The following SUGCT variants were observed in gnomAD, a reference collection of about 807,000 sequenced individuals.
The protein encoded by SUGCT is succinyl-CoA:glutarate CoA-transferase.
A neutral mutation model predicts 55.0 loss-of-function variants in SUGCT; 41 were observed. That is an observed-to-expected ratio of 0.74 (90% CI 0.58 to 0.97). The LOEUF is 0.97. SUGCT is among the 50% of genes least tolerant of loss of function. The pLI is 0.00. For missense variants in SUGCT, 568 were observed against 547.8 expected (o/e 1.04, Z -0.37); for synonymous variants, 187 against 200.4 (o/e 0.93, Z 0.56).
At chr7:40,987,276 G>A in the SUGCT span, among the ~76,000 whole-genome samples, 1 of 152,134 alleles carries the variant, frequency 6.6e-6, no homozygotes, top group African/African-American at 2.4e-5. Context: ...TGGACATGAC[G>A]AGGGGACTGC....
intron 6 of SUGCT, among the ~76,000 whole-genome samples, chr7:40,224,399 C>CGT (rs61318990): frequency 0.082 from 11,949 of 145,360 alleles, 498 homozygotes; most frequent in Non-Finnish European, 0.11. Context: ...ATAATCTGTG[C>CGT]GTGTGTGTGT....
At chr7:41,028,320 C>T in the SUGCT span, among the ~76,000 whole-genome samples, 1 of 152,234 alleles carries the variant, frequency 6.6e-6, no homozygotes, top group African/African-American at 2.4e-5. Context: ...AATAAAGTCG[C>T]TAGAATTTAT....
chr7:40,186,090 TCTTCCTTCCTTC>T (rs199961855), intron 3 of SUGCT, among the ~76,000 whole-genome samples: 40 of 146,976 alleles, frequency 2.7e-4, no homozygotes, highest in African/African-American at 4.2e-4. Flanking sequence ...TCTCTCTTTT[TCTTCCTTCCTTC>T]CTTCCTTCCT....
At chr7:40,415,059 AAAATCTATCT>A (rs1303936231) in intron 9 of SUGCT, among the ~76,000 whole-genome samples, 60 of 97,952 alleles carry the variant, frequency 6.1e-4, no homozygotes, top group East Asian at 3.2e-3. Context: ...AAAAAAAAAA[AAAATCTATCT>A]ATCTATCTAT....
chr7:40,932,668 C>A, the SUGCT span, among the ~76,000 whole-genome samples: 1 of 152,020 alleles, frequency 6.6e-6, no homozygotes, highest in Non-Finnish European at 1.5e-5. Context: ...GATCCCTTTA[C>A]CATTATGTAA....
At chr7:40,609,098 C>T (rs999136118) in intron 12 of SUGCT, among the ~76,000 whole-genome samples, 1 of 152,114 alleles carries the variant, frequency 6.6e-6, no homozygotes, top group Non-Finnish European at 1.5e-5. Flanking sequence ...TATTCTCTTG[C>T]TGTATGTATC....
intron 12 of SUGCT, among the ~76,000 whole-genome samples, chr7:40,667,106 CAAAA>C (rs58790754): frequency 1.0e-5 from 1 of 98,420 alleles, no homozygotes; most frequent in Non-Finnish European, 2.2e-5. Context: ...GATCCTATCT[CAAAA>C]AAAAAAAAAA....
chr7:40,254,018 G>A (rs745713734), intron 7 of SUGCT, among the ~76,000 whole-genome samples: 13 of 152,246 alleles, frequency 8.5e-5, no homozygotes, highest in African/African-American at 1.9e-4. Context: ...TTAACACTAC[G>A]GATGTTTGTT....
rs192894134 is a variant in SUGCT at position 40,366,029 on chromosome 7, G to A, written c.816+49174G>A. On this transcript the variant is annotated intron_variant, in intron 9 of 13. Transcript: ENST00000335693. ...CTTCAAACTTTACTACGAGGCTACA[G>A]TTACCAAAACAGCATGGTACTGGTA... Among the ~76,000 whole-genome samples the A allele has an allele frequency of 3.8e-3, 586 of 152,336 alleles. 5 individuals are homozygous for A. Among genetic ancestry groups the A allele is most frequent in the African/African-American group, 0.013 (534 of 41,568 alleles).
chr7:40,397,444 A>G (rs1785799963), intron 9 of SUGCT, among the ~76,000 whole-genome samples: 1 of 152,040 alleles, frequency 6.6e-6, no homozygotes. Context: ...CTTATGTTTT[A>G]GTTATTTGTG....
At chr7:40,876,971 T>G in the SUGCT span, among the ~76,000 whole-genome samples, 1 of 152,328 alleles carries the variant, frequency 6.6e-6, no homozygotes, top group East Asian at 1.9e-4. Flanking sequence ...TTTCTTAGAA[T>G]TCATAAAAGC....
chr7:40,150,721 GGGA>G (rs139313007), intron 1 of SUGCT, among the ~76,000 whole-genome samples: 2,640 of 151,540 alleles, frequency 0.017, 72 homozygotes, highest in African/African-American at 0.062. Context: ...CTGAATTCTG[GGGA>G]GACTGATTTG....
At chr7:40,343,497 C>A (rs1159310847) in intron 9 of SUGCT, among the ~76,000 whole-genome samples, 1 of 151,960 alleles carries the variant, frequency 6.6e-6, no homozygotes, top group Non-Finnish European at 1.5e-5. Flanking sequence ...GAAAAACGAA[C>A]CCTAGATATC....
chr7:40,407,120 A>T (rs958576131), intron 9 of SUGCT, among the ~76,000 whole-genome samples: 1 of 152,220 alleles, frequency 6.6e-6, no homozygotes, highest in African/African-American at 2.4e-5. Flanking sequence ...AGAAAACAAA[A>T]TATGAATGAA....
intron 12 of SUGCT, among the ~76,000 whole-genome samples, chr7:40,657,324 A>G (rs1019546477): frequency 2.6e-5 from 4 of 152,116 alleles, no homozygotes; most frequent in African/African-American, 7.2e-5. Context: ...TTTCCATGGT[A>G]GTGGTATGTC....
chr7:40,770,136 A>G (rs1789017051), intron 13 of SUGCT, among the ~76,000 whole-genome samples: 1 of 152,138 alleles, frequency 6.6e-6, no homozygotes, highest in Non-Finnish European at 1.5e-5. Context: ...AGTTTCTTGA[A>G]AACACCATGC....
chr7:40,360,616 C>A (rs1196133470), intron 9 of SUGCT, among the ~76,000 whole-genome samples: 1 of 152,134 alleles, frequency 6.6e-6, no homozygotes, highest in Non-Finnish European at 1.5e-5. Flanking sequence ...GCACTCCTAA[C>A]CCCGTTGTGG....
chr7:40,741,347 A>G (rs991869401), intron 12 of SUGCT, among the ~76,000 whole-genome samples: 4 of 152,206 alleles, frequency 2.6e-5, no homozygotes, highest in African/African-American at 9.6e-5. Flanking sequence ...TTCATTTAAG[A>G]GGAAATGCAA....
In SUGCT at chr7:40,459,115, T is replaced by G; in HGVS notation, c.903T>G (p.Pro301=). 2 of 1,609,994 alleles carry G rather than the reference T, an allele frequency of 1.2e-6. No homozygotes were observed. The highest frequency in any genetic ancestry group is 1.7e-6 in the Non-Finnish European group (2 of 1,177,306). The change falls in exon 11 of 14, where the codon CCT becomes CCG. Residue 301 remains proline, a synonymous_variant. Transcript: ENST00000335693. ...TTTTCTTTTAGATCTTGGATTTGCCTGAGTTGATTGATAATTCCAAGTATA... is the reference window on the plus strand; with the variant it reads ...TTTTCTTTTAGATCTTGGATTTGCCGGAGTTGATTGATAATTCCAAGTATA... ...FATVCKILDL[P]ELIDNSKYKT... is the part of the protein sequence containing the mutation.
Sources: gnomAD v4.1 joint callset for allele counts (sites outside exome capture counted in the v4.1 genomes callset) on GRCh38, gnomAD v4.1.1 for gene constraint, MANE v1.5 for transcripts, NCBI Gene and HGNC (gene_info 2026-07-23, HGNC 2026-07-21) for gene names.